Variants in ESRRB observed in about 807,000 individuals in gnomAD.
ESRRB encodes steroid hormone receptor ERR2.
A neutral mutation model predicts 46.0 loss-of-function variants in ESRRB; 16 were observed. The ratio of observed to expected loss-of-function variants is 0.35; its 90% CI spans 0.24 to 0.53. ESRRB has a LOEUF of 0.53. ESRRB is among the 20% of genes least tolerant of loss of function. ESRRB has a pLI of 0.93. For missense variants in ESRRB, 488 were observed against 607.4 expected (o/e 0.80, Z 2.07); for synonymous variants, 246 against 259.6 (o/e 0.95, Z 0.50).
chr14:76,343,437 A>G (rs1884214203), intron 1 of ESRRB, among the ~76,000 whole-genome samples: 2 of 152,232 alleles, frequency 1.3e-5, no homozygotes, highest in South Asian at 2.1e-4. Context: ...AATATCAACA[A>G]TCCTTTCTTT....
intron 1 of ESRRB, among the ~76,000 whole-genome samples, chr14:76,328,726 C>T (rs1260953174): frequency 1.3e-5 from 2 of 152,232 alleles, no homozygotes; most frequent in East Asian, 3.9e-4. Context: ...TTCTCCCCTT[C>T]TCAGAGAAGC....
intron 1 of ESRRB, among the ~76,000 whole-genome samples, chr14:76,395,903 G>C (rs1407209190): frequency 6.6e-6 from 1 of 152,080 alleles, no homozygotes; most frequent in Non-Finnish European, 1.5e-5. Context: ...AGCCGGGCAT[G>C]GTGGCTGACG....
intron 1 of ESRRB, among the ~76,000 whole-genome samples, chr14:76,337,119 C>T (rs1317279270): frequency 1.3e-5 from 2 of 151,952 alleles, no homozygotes; most frequent in Non-Finnish European, 2.9e-5. Context: ...CAGTGGCTGG[C>T]GTGGCGTGGA....
At chr14:76,481,085 C>T (rs1889788014) in intron 3 of ESRRB, among the ~76,000 whole-genome samples, 1 of 152,238 alleles carries the variant, frequency 6.6e-6, no homozygotes, top group Non-Finnish European at 1.5e-5. Context: ...GGCCCCAGCA[C>T]CATGCTTGGG....
intron 3 of ESRRB, among the ~76,000 whole-genome samples, chr14:76,476,217 T>G (rs1433118518): frequency 6.6e-6 from 1 of 152,130 alleles, no homozygotes; most frequent in Non-Finnish European, 1.5e-5. Flanking sequence ...CATGGAGCAC[T>G]CAGAAATATT....
rs185607751 is a variant in ESRRB, at chr14:76,499,660, G to A, written c.*1202G>A. 1,714 of 641,572 alleles carry A rather than the reference G, an allele frequency of 2.7e-3. 5 individuals are homozygous for A. The highest frequency in any genetic ancestry group is 4.0e-3 in the Non-Finnish European group (1,429 of 355,002). 39.7% of individuals were successfully genotyped at this position (641,572 alleles called of 1,614,324 possible). On this transcript the variant is annotated 3_prime_UTR_variant, in exon 7 of 7. Transcript: ENST00000644823. ...TAGCTCCCCTGGGCACCGCGAGCAC[G>A]CCAGCTCTCTGGCAGGACCCCTGCA... is the stretch of plus-strand genomic sequence containing the variant.
intron 1 of ESRRB, among the ~76,000 whole-genome samples, chr14:76,321,414 C>G (rs948219370): frequency 6.6e-6 from 1 of 152,324 alleles, no homozygotes; most frequent in Admixed American, 6.5e-5. Context: ...AGTTTTCACA[C>G]TGGGGTTGAA....
At chr14:76,473,083 A>C (rs1889435729) in intron 3 of ESRRB, among the ~76,000 whole-genome samples, 1 of 152,210 alleles carries the variant, frequency 6.6e-6, no homozygotes. Context: ...TAGGGCAAAG[A>C]AGATAGGACT....
chr14:76,440,925 G>A (rs767491751), intron 2 of ESRRB, among the ~76,000 whole-genome samples: 1 of 152,114 alleles, frequency 6.6e-6, no homozygotes, highest in Non-Finnish European at 1.5e-5. Flanking sequence ...TCAAATGCCT[G>A]TAATCTCAGC....
In ESRRB at chr14:76,333,042, A is replaced by AT. The variant is rs1414078686; in HGVS notation, c.2+22128dup. Among the ~76,000 whole-genome samples, 7 of 6,024 alleles carry AT rather than the reference A, an allele frequency of 1.2e-3. 1 individual carries two copies. Among genetic ancestry groups the AT allele is most frequent in the Non-Finnish European group, 9.5e-4 (3 of 3,156 alleles). The allele number at this position is 6,024 out of a possible 152,430, so 4.0% of individuals were successfully genotyped here. On this transcript the variant is annotated intron_variant, in intron 1 of 6. Coordinates refer to the ESRRB transcript ENST00000512784. ...ATATTATATATTATATATATTATAT[A>AT]TTATATATTATATATTATATATTAT...
rs111716273 is a variant in ESRRB at position 76,451,789 on chromosome 14, A to ATTTTTT, written c.461-10738_461-10733dup. Among the ~76,000 whole-genome samples the ATTTTTT allele has an allele frequency of 3.5e-3, 428 of 122,728 alleles. 3 individuals carry two copies. The highest frequency in any genetic ancestry group is 7.4e-3 in the South Asian group (27 of 3,650). The allele number at this position is 122,728 out of a possible 152,430, so 80.5% of individuals were successfully genotyped here. A position where few individuals can be genotyped will look rare whatever the true frequency, so the allele number is the denominator to read the frequency against. On this transcript the variant is annotated intron_variant, in intron 2 of 6. Transcript: ENST00000644823. ...AGGTGTGGGCCACCATGCCCAGCTA[A>ATTTTTT]TTTTTTTTTTTTTTTTTTTTTTTAG...
intron 3 of ESRRB, among the ~76,000 whole-genome samples, chr14:76,468,125 A>G (rs1889200617): frequency 6.6e-6 from 1 of 152,132 alleles, no homozygotes; most frequent in African/African-American, 2.4e-5. Context: ...TCAGGTTCCC[A>G]CTGCATGGGA....
intron 1 of ESRRB, among the ~76,000 whole-genome samples, chr14:76,400,452 C>A (rs1885891256): frequency 6.6e-6 from 1 of 152,216 alleles, no homozygotes; most frequent in South Asian, 2.1e-4. Flanking sequence ...GAACCGCTTC[C>A]ATTGAAGTCT....
In ESRRB at chr14:76,444,261, G is replaced by A. The variant is rs547841166; in HGVS notation, c.460+4511G>A. Among the ~76,000 whole-genome samples, 3 of 152,252 alleles carry A rather than the reference G, an allele frequency of 2.0e-5. No individual in the cohort carries two copies. The South Asian group carries it at 6.2e-4, about 32-fold the overall frequency. The stretch of plus-strand genomic sequence containing the variant: ...TTGGCCAGGCTGGTCTCGAATTCCT[G>A]ACCTCAAGTGATCCTCCCACCTTGG... On this transcript the variant is annotated intron_variant, in intron 2 of 6. Transcript: ENST00000644823.
chr14:76,461,539 C>T (rs1275196988), intron 2 of ESRRB, among the ~76,000 whole-genome samples: 3 of 151,690 alleles, frequency 2.0e-5, no homozygotes, highest in Admixed American at 6.6e-5. Context: ...GACAGAGTCT[C>T]GGTCTGTCAC....
intron 3 of ESRRB, among the ~76,000 whole-genome samples, chr14:76,465,438 G>A (rs923828312): frequency 6.6e-6 from 1 of 152,204 alleles, no homozygotes; most frequent in Non-Finnish European, 1.5e-5. Context: ...TGCACTGATG[G>A]CAGGGAGGGA....
In ESRRB at chr14:76,498,152, G is replaced by A. The variant is rs1398921747; in HGVS notation, c.1121-62G>A. ...CATGCTGCCTCCTGGACCCCAAGAT[G>A]GCCCCCACACCAGGCAGCACTCCCT... is the stretch of plus-strand genomic sequence containing the variant. On this transcript the variant is annotated intron_variant, in intron 6 of 6. Coordinates refer to ENST00000644823, the MANE Select transcript of ESRRB (RefSeq NM_001379180.1). 1.5e-5 allele frequency: 24 copies of A among 1,606,708 alleles called. No homozygotes were observed. In the East Asian group the frequency reaches 4.2e-4, roughly 28 times the overall value.
upstream of ESRRB, among the ~76,000 whole-genome samples, chr14:76,367,765 G>A (rs899393830): frequency 2.0e-5 from 3 of 152,014 alleles, no homozygotes; most frequent in African/African-American, 7.2e-5. Context: ...CAGGGAACCC[G>A]AGCCAACAGC....
In ESRRB at chr14:76,348,574, C is replaced by T. The variant is rs1884276446; in HGVS notation, c.2+37658C>T. ...TTCCTGAGAAAACAGGTCACTCAGT[C>T]TCTCCAAGCCTCAATTTCCTAGTCC... On this transcript the variant is annotated intron_variant, in intron 1 of 6. Transcript: ENST00000512784. Among the ~76,000 whole-genome samples, 19 of 152,328 alleles carry T rather than the reference C, an allele frequency of 1.2e-4. No homozygotes were observed. In the South Asian group the frequency reaches 3.9e-3, roughly 32 times the overall value.
Sources: allele counts gnomAD v4.1 joint callset (sites outside exome capture counted in the v4.1 genomes callset), GRCh38; gene constraint gnomAD v4.1.1; transcripts MANE v1.5; gene names NCBI Gene and HGNC (gene_info 2026-07-23, HGNC 2026-07-21).